P3H2: variants seen among roughly 807,000 people sequenced by gnomAD.
The protein encoded by P3H2 is leprecan-like 1.
In P3H2, 80 loss-of-function variants were observed where a neutral mutation model predicts 87.0. The observed-to-expected ratio is 0.92, with a 90% CI of 0.77 to 1.11. The LOEUF (loss-of-function observed/expected upper bound fraction) is 1.11, where lower values mean the gene tolerates loss of function less well. P3H2 is among the 50% of genes least tolerant of loss of function. P3H2 has a pLI of 0.00. For synonymous variants in P3H2, 367 were observed against 359.3 expected (o/e 1.02, Z -0.24); for missense variants, 1,001 against 923.9 (o/e 1.08, Z -1.08).
At position 189,995,397 on chromosome 3, in the gene P3H2, C is replaced by T. The variant is rs181536548; in HGVS notation, c.526G>A (p.Val176Met). ...ATTTCCATGTGCTCAGGGTTAGCCACGAAAAATGTGTGAGCTGCTTCCACT... is the reference window on the plus strand; with the variant it reads ...ATTTCCATGTGCTCAGGGTTAGCCATGAAAAATGTGTGAGCTGCTTCCACT... ...KAVEAAHTFF[V>M]ANPEHMEMQQ... The change falls in exon 2 of 15, where the codon GTG (valine) becomes ATG (methionine). Residue 176 changes from valine (V) to methionine (M), a missense_variant. Physicochemically the swap from Val to Met is conservative, Grantham distance 21. Transcript: ENST00000319332. The T allele has an allele frequency of 1.9e-5, 30 of 1,613,604 alleles. No individual in the cohort carries two copies. Among genetic ancestry groups the T allele is most frequent in the South Asian group, 7.7e-5 (7 of 91,074 alleles).
intron 1 of P3H2, among the ~76,000 whole-genome samples, chr3:190,057,367 AG>A (rs1726192076): frequency 1.3e-5 from 2 of 152,044 alleles, no homozygotes; most frequent in Non-Finnish European, 2.9e-5. Context: ...CTGTGTTAGG[AG>A]TAAGAACCAT....
chr3:189,964,079 CA>C lies in P3H2; in HGVS notation c.1912del (p.Cys638ValfsTer4), dbSNP rs762184482. ...AGATGAGAAGCTGATCATGCGCCCA[CA>C]TTTTGGTTTTATAGAGGCCTGAGAA... ...KTVTASIKPK[C>X]GRMISFSSGG... On this transcript the variant is annotated frameshift_variant, in exon 14 of 15. Coordinates refer to ENST00000319332, the MANE Select transcript of P3H2 (RefSeq NM_018192.4). LOFTEE classifies it high-confidence loss of function. 2 of 1,614,154 alleles carry C rather than the reference CA, an allele frequency of 1.2e-6. No homozygotes were observed. Among genetic ancestry groups the C allele is most frequent in the Non-Finnish European group, 1.7e-6 (2 of 1,180,008 alleles).
chr3:190,058,628 A>G (rs1726241674), intron 1 of P3H2, among the ~76,000 whole-genome samples: 2 of 152,180 alleles, frequency 1.3e-5, no homozygotes, highest in South Asian at 2.1e-4. Context: ...CAGCTTCAAC[A>G]TTACTGGAAG....
At chr3:189,973,067 G>C (rs1461372917) in intron 10 of P3H2, 43 bp from the exon 11 acceptor site, 1 of 1,587,100 alleles carries the variant, frequency 6.3e-7, no homozygotes, top group South Asian at 1.1e-5. Context: ...TGGGTTCATT[G>C]GAGGTCGTAA....
Position 190,007,959 on chromosome 3 carries a change from G to GACAC in P3H2, c.481-12521_481-12518dup, listed in dbSNP as rs371622835. Among the ~76,000 whole-genome samples, 423 of 100,566 alleles carry GACAC rather than the reference G, an allele frequency of 4.2e-3. 26 individuals carry two copies. The highest frequency in any genetic ancestry group is 0.016 in the African/African-American group (406 of 26,156). 66.0% of individuals were successfully genotyped at this position (100,566 alleles called of 152,430 possible). On this transcript the variant is annotated intron_variant, in intron 1 of 14. Transcript: ENST00000319332. ...TCAGCTGCCTGAGACTCTATTTGTT[G>GACAC]ACACACATATATATATATATATATA...
In P3H2 at chr3:190,101,894, T is replaced by C. The variant is rs116678613; in HGVS notation, c.480+18358A>G. 7.0e-3 allele frequency among the ~76,000 whole-genome samples: 1,070 copies of C among 152,320 alleles called. 7 individuals carry two copies. Among genetic ancestry groups the C allele is most frequent in the Middle Eastern group, 0.024 (7 of 294 alleles). The stretch of plus-strand genomic sequence containing the variant: ...AGACTGGCTCTATTGTTAGAGCTAA[T>C]CCAGCTGGTGACTTTAACTTGAAGC... On this transcript the variant is annotated intron_variant, in intron 1 of 14. Transcript: ENST00000319332.
intron 1 of P3H2, among the ~76,000 whole-genome samples, chr3:190,010,557 G>T (rs1050969596): frequency 6.6e-6 from 1 of 152,028 alleles, no homozygotes; most frequent in African/African-American, 2.4e-5. Context: ...CACAAACAGA[G>T]GAAACACTAC....
At chr3:190,108,441 C>T (rs1158132179) in intron 1 of P3H2, among the ~76,000 whole-genome samples, 1 of 152,176 alleles carries the variant, frequency 6.6e-6, no homozygotes, top group African/African-American at 2.4e-5. Flanking sequence ...AAAATCACCC[C>T]AGATAGAAAA....
At chr3:190,017,959 T>C (rs1293908168) in intron 1 of P3H2, among the ~76,000 whole-genome samples, 1 of 152,178 alleles carries the variant, frequency 6.6e-6, no homozygotes, top group East Asian at 1.9e-4. Context: ...GTACAACAGA[T>C]CTGAGCACGT....
At chr3:189,964,192 G>T in intron 13 of P3H2, 94 bp from the exon 14 acceptor site, 1 of 1,157,944 alleles carries the variant, frequency 8.6e-7, no homozygotes. Context: ...TTTGAGTTAA[G>T]GCCTGAGGCG....
chr3:190,109,914 T>C (rs1466919582), intron 1 of P3H2, among the ~76,000 whole-genome samples: 1 of 149,584 alleles, frequency 6.7e-6, no homozygotes, highest in African/African-American at 2.5e-5. Context: ...AGTGGCGTGA[T>C]CTCAGCTCAC....
intron 14 of P3H2, 97 bp from the exon 15 acceptor site, chr3:189,958,101 T>C: frequency 3.5e-6 from 3 of 848,650 alleles, no homozygotes; most frequent in East Asian, 2.4e-5. Flanking sequence ...CATCTGTACA[T>C]GGGTTGATGC....
chr3:190,022,843 T>C (rs1261519978), intron 1 of P3H2, among the ~76,000 whole-genome samples: 5 of 152,100 alleles, frequency 3.3e-5, no homozygotes, highest in African/African-American at 4.8e-5. Flanking sequence ...TTTCTTTTTT[T>C]TGAGATGGAG....
At chr3:189,977,794 T>C (rs1008378212) in intron 8 of P3H2, among the ~76,000 whole-genome samples, 4 of 151,812 alleles carry the variant, frequency 2.6e-5, no homozygotes, top group African/African-American at 9.7e-5. Flanking sequence ...GGTCTTGTTA[T>C]TTTTTTATTT....
chr3:190,115,021 G>A (rs6788289), intron 1 of P3H2, among the ~76,000 whole-genome samples: 23,441 of 152,128 alleles, frequency 0.15, 2,083 homozygotes, highest in African/African-American at 0.24. Context: ...CAGAGTAAGA[G>A]TGAGGAAATT....
chr3:190,076,833 T>C (rs1039402984), intron 1 of P3H2, among the ~76,000 whole-genome samples: 2 of 152,202 alleles, frequency 1.3e-5, no homozygotes, highest in African/African-American at 4.8e-5. Flanking sequence ...AACTCAGTAA[T>C]GATGATTCAT....
intron 8 of P3H2, among the ~76,000 whole-genome samples, chr3:189,981,842 C>T (rs1477363033): frequency 6.6e-6 from 1 of 152,190 alleles, no homozygotes; most frequent in East Asian, 1.9e-4. Flanking sequence ...ATGAAGCTCT[C>T]TGGCATTTGT....
intron 1 of P3H2, among the ~76,000 whole-genome samples, chr3:190,037,573 C>A (rs1250331076): frequency 6.6e-6 from 1 of 152,160 alleles, no homozygotes; most frequent in South Asian, 2.1e-4. Flanking sequence ...TCTGTCACAT[C>A]TATTCACCTT....
intron 1 of P3H2, among the ~76,000 whole-genome samples, chr3:190,038,289 AG>A (rs1725488468): frequency 6.6e-6 from 1 of 151,172 alleles, no homozygotes; most frequent in African/African-American, 2.4e-5. Flanking sequence ...ATTGGCTGCA[AG>A]CTTCCTGGAG....
Sources: allele counts gnomAD v4.1 joint callset (sites outside exome capture counted in the v4.1 genomes callset), GRCh38; gene constraint gnomAD v4.1.1; transcripts MANE v1.5; gene names NCBI Gene and HGNC (gene_info 2026-07-23, HGNC 2026-07-21).